The following HORMAD2 variants were observed in gnomAD, a reference collection of about 807,000 sequenced individuals.
HORMAD2 encodes HORMA domain containing 2.
A neutral mutation model predicts 38.8 loss-of-function variants in HORMAD2; 45 were observed. That is an observed-to-expected ratio of 1.16 (90% CI 0.91 to 1.49). The LOEUF (loss-of-function observed/expected upper bound fraction) is 1.49. Ranked by LOEUF, HORMAD2 falls within the 40% of genes most tolerant of loss-of-function variation. The pLI, the probability that HORMAD2 is intolerant of heterozygous loss-of-function variation, is 0.00. For missense variants in HORMAD2, 338 were observed against 367.0 expected, an observed-to-expected ratio of 0.92 and a Z score of 0.65; for synonymous variants, 126 against 122.8, an observed-to-expected ratio of 1.03 and a Z score of -0.17.
chr22:30,203,707 A>T, the HORMAD2 span, among the ~76,000 whole-genome samples: 1 of 152,172 alleles, frequency 6.6e-6, no homozygotes, highest in Non-Finnish European at 1.5e-5. Flanking sequence ...ACCTTCTCAC[A>T]CATTCTCAAA....
In HORMAD2 at chr22:30,104,423, T is replaced by C. The variant is rs1301000949; in HGVS notation, c.280T>C (p.Leu94=). The change falls in exon 5 of 11, where the codon TTG becomes CTG. Residue 94 remains leucine, a synonymous_variant. Transcript: ENST00000336726. ...IRWIQGCFDA[L]EKRYLRMAVL... The stretch of plus-strand genomic sequence containing the variant: ...CAGGATTCAAGGTTGTTTTGATGCT[T>C]TGGAAAAGAGATACGTAAGAATGTT... 1 of 1,610,780 alleles carries C rather than the reference T, an allele frequency of 6.2e-7. No individual in the cohort carries two copies. The highest frequency in any genetic ancestry group is 1.1e-5 in the South Asian group (1 of 90,540).
chr22:30,141,968 G>T (rs1924107496), intron 10 of HORMAD2, among the ~76,000 whole-genome samples: 1 of 152,026 alleles, frequency 6.6e-6, no homozygotes, highest in Admixed American at 6.6e-5. Context: ...ACGGTTTACG[G>T]GCTGGGTGCG....
intron 10 of HORMAD2, among the ~76,000 whole-genome samples, chr22:30,139,067 G>C (rs1473351237): frequency 6.6e-6 from 1 of 151,652 alleles, no homozygotes; most frequent in Non-Finnish European, 1.5e-5. Context: ...GATTGCCTTA[G>C]ACTTCATCTG....
At chr22:30,187,064 C>G in the HORMAD2 span, among the ~76,000 whole-genome samples, 1 of 152,158 alleles carries the variant, frequency 6.6e-6, no homozygotes. Context: ...GCCCTCTATT[C>G]AGCAACACAT....
chr22:30,113,518 A>G lies in HORMAD2; in HGVS notation c.342+996A>G, dbSNP rs905892344. Among the ~76,000 whole-genome samples, 4 of 152,256 alleles carry G rather than the reference A, an allele frequency of 2.6e-5. No individual in the cohort carries two copies. In the South Asian group the frequency reaches 6.2e-4, roughly 24 times the overall value. ...CTCCCAAAGTGCTGGGATTACTGGC[A>G]TGACCCAGCATGTCTGGCCCAGATT... On this transcript the variant is annotated intron_variant, in intron 7 of 10. Transcript: ENST00000336726.
rs569622502 is a variant in HORMAD2 at position 30,134,374 on chromosome 22, A to G, written c.819+12160A>G. Among the ~76,000 whole-genome samples the G allele has an allele frequency of 4.1e-4, 60 of 146,832 alleles. 1 individual carries two copies. In the Middle Eastern group the frequency reaches 0.025, roughly 61 times the overall value. ...AGATCACACCATTGCACTCCAGCAT[A>G]TAATATATATGATTATATATATATA... On this transcript the variant is annotated intron_variant, in intron 10 of 10. Coordinates refer to ENST00000336726, the MANE Select transcript of HORMAD2 (RefSeq NM_152510.4).
chr22:30,079,900 G>A (rs2068437178), upstream of HORMAD2, among the ~76,000 whole-genome samples: 2 of 152,078 alleles, frequency 1.3e-5, no homozygotes, highest in African/African-American at 2.4e-5. Context: ...GGCTGGTCTC[G>A]AATTCCTGAC....
In HORMAD2 at chr22:30,111,166, A is replaced by AG. The variant is rs1555943527; in HGVS notation, c.295-630_295-629insG. ...CAAGACTCTGTCAAAAAAAAAAAAA[A>AG]AAAGAAAGAAAGAAAGAAAGAAAAA... On this transcript the variant is annotated intron_variant, in intron 5 of 10. Transcript: ENST00000336726. Among the ~76,000 whole-genome samples, 31 of 150,768 alleles carry AG rather than the reference A, an allele frequency of 2.1e-4. No homozygotes were observed. In the East Asian group the frequency reaches 4.7e-3, roughly 23 times the overall value.
At chr22:30,099,023 T>C in intron 3 of HORMAD2, 30 bp downstream of exon 3, 1 of 1,584,146 alleles carries the variant, frequency 6.3e-7, no homozygotes, top group Non-Finnish European at 8.6e-7. Context: ...TCTCTTTGGC[T>C]GTTGTAGCCC....
chr22:30,207,278 C>T, the HORMAD2 span: 1 of 331,744 alleles, frequency 3.0e-6, no homozygotes, highest in Non-Finnish European at 6.3e-6. Context: ...GGGCTGCCAG[C>T]ACAGTTTCGC....
chr22:30,127,633 A>C (rs1438745684), intron 10 of HORMAD2, among the ~76,000 whole-genome samples: 2 of 152,194 alleles, frequency 1.3e-5, no homozygotes, highest in African/African-American at 4.8e-5. Flanking sequence ...GTGAGCCATC[A>C]CGCCTGGCAC....
chr22:30,151,146 A>G (rs898073253), intron 10 of HORMAD2, among the ~76,000 whole-genome samples: 1 of 152,046 alleles, frequency 6.6e-6, no homozygotes, highest in Admixed American at 6.6e-5. Context: ...TGGGTCTGCT[A>G]TTTTAGTTAT....
At chr22:30,137,382 C>A in intron 10 of HORMAD2, 1 of 480,186 alleles carries the variant, frequency 2.1e-6, no homozygotes, top group South Asian at 1.6e-5. Flanking sequence ...ACCAATCTTT[C>A]TTAGAAAATG....
rs200549816 is a variant in HORMAD2, at chr22:30,131,556, A to AT, written c.819+9350dup. Reference sequence around the variant, plus strand: ...GAAGCATAAATAATTCATACAAATGATTTTTTTTGAGGATGAGCTAAAGGC... The same window carrying AT: ...GAAGCATAAATAATTCATACAAATGATTTTTTTTTGAGGATGAGCTAAAGGC... On this transcript the variant is annotated intron_variant, in intron 10 of 10. Transcript: ENST00000336726. Among the ~76,000 whole-genome samples, 432 of 152,082 alleles carry AT rather than the reference A, an allele frequency of 2.8e-3. 1 individual carries two copies. The highest frequency in any genetic ancestry group is 9.9e-3 in the African/African-American group (411 of 41,498).
chr22:30,160,791 A>T (rs1482051764), intron 10 of HORMAD2, among the ~76,000 whole-genome samples: 1 of 152,226 alleles, frequency 6.6e-6, no homozygotes, highest in Non-Finnish European at 1.5e-5. Context: ...ATTACAACAA[A>T]GTGTTTGAAT....
chr22:30,186,230 C>T, the HORMAD2 span, among the ~76,000 whole-genome samples: 1 of 152,004 alleles, frequency 6.6e-6, no homozygotes, highest in Non-Finnish European at 1.5e-5. Flanking sequence ...TTTGGAGTTT[C>T]CTTTTTCTAG....
intron 10 of HORMAD2, among the ~76,000 whole-genome samples, chr22:30,153,651 T>C (rs1924892323): frequency 1.3e-5 from 2 of 152,214 alleles, no homozygotes; most frequent in African/African-American, 4.8e-5. Flanking sequence ...CTGTTCTCTT[T>C]AACCCACTTT....
chr22:30,185,189 C>A, the HORMAD2 span, among the ~76,000 whole-genome samples: 4 of 152,180 alleles, frequency 2.6e-5, no homozygotes, highest in African/African-American at 9.7e-5. Flanking sequence ...CCTTGAGGGA[C>A]CAGCCCATTC....
At chr22:30,140,737 A>T (rs1222709486) in intron 10 of HORMAD2, among the ~76,000 whole-genome samples, 2 of 152,120 alleles carry the variant, frequency 1.3e-5, no homozygotes, top group African/African-American at 4.8e-5. Flanking sequence ...CAGGCTTTGG[A>T]TTCACTGATT....
Sources: gnomAD v4.1 joint callset for allele counts (sites outside exome capture counted in the v4.1 genomes callset) on GRCh38, gnomAD v4.1.1 for gene constraint, MANE v1.5 for transcripts, NCBI Gene and HGNC (gene_info 2026-07-23, HGNC 2026-07-21) for gene names.